Variants in RPS6KC1 observed in about 807,000 individuals in gnomAD.
RPS6KC1 encodes the protein inactive ribosomal protein S6 kinase delta-1.
Under a neutral mutation model 103.8 loss-of-function variants are expected in RPS6KC1, and 54 were observed. The observed-to-expected ratio is 0.52, with a 90% CI of 0.42 to 0.65. The LOEUF (loss-of-function observed/expected upper bound fraction) is 0.65, where lower values mean the gene tolerates loss of function less well. Among genes scored for constraint, RPS6KC1 ranks in the 30% least tolerant of loss-of-function variants. RPS6KC1 has a pLI of 0.00. For missense variants in RPS6KC1, 1,151 were observed against 1,253.8 expected (o/e 0.92, Z 1.24); for synonymous variants, 439 against 438.7 (o/e 1.00, Z -0.01).
the RPS6KC1 span, among the ~76,000 whole-genome samples, chr1:213,768,470 A>G: frequency 6.6e-6 from 1 of 152,244 alleles, no homozygotes; most frequent in Non-Finnish European, 1.5e-5. Context: ...TAGAATCACA[A>G]GGTGAACAGG....
At chr1:213,851,012 C>A in the RPS6KC1 span, among the ~76,000 whole-genome samples, 1 of 152,076 alleles carries the variant, frequency 6.6e-6, no homozygotes, top group East Asian at 1.9e-4. Context: ...TGTGTTTATA[C>A]CTTCTAGGTG....
the RPS6KC1 span, among the ~76,000 whole-genome samples, chr1:213,525,009 C>A: frequency 6.6e-6 from 1 of 152,104 alleles, no homozygotes; most frequent in Non-Finnish European, 1.5e-5. Context: ...CCTACAGAGT[C>A]GTTAGGAAGA....
rs561566034 is a variant in RPS6KC1 at position 213,151,432 on chromosome 1, G to A, written c.836-16426G>A. 1.0e-3 allele frequency among the ~76,000 whole-genome samples: 132 copies of A among 126,752 alleles called. 1 individual carries two copies. The East Asian group carries it at 0.028, about 27-fold the overall frequency. The allele number at this position is 126,752 out of a possible 152,430, so 83.2% of individuals were successfully genotyped here. On this transcript the variant is annotated intron_variant, in intron 6 of 14. Coordinates refer to ENST00000366960, the MANE Select transcript of RPS6KC1 (RefSeq NM_012424.6). ...CCAGTAGGGGCGGCCGGGCAGAGGCGCCCCTCACCTCCCGGATGGGGCGGC... is the reference window on the plus strand; with the variant it reads ...CCAGTAGGGGCGGCCGGGCAGAGGCACCCCTCACCTCCCGGATGGGGCGGC...
chr1:213,648,090 A>G, the RPS6KC1 span, among the ~76,000 whole-genome samples: 2 of 151,940 alleles, frequency 1.3e-5, no homozygotes, highest in South Asian at 4.2e-4. Flanking sequence ...GCCATTTATT[A>G]TTTTTTTTCT....
At chr1:213,302,251 C>G in the RPS6KC1 span, among the ~76,000 whole-genome samples, 3 of 152,246 alleles carry the variant, frequency 2.0e-5, no homozygotes, top group South Asian at 6.2e-4. Context: ...CTCTGCCTGT[C>G]TATGCTTTTG....
the RPS6KC1 span, among the ~76,000 whole-genome samples, chr1:213,710,882 T>G: frequency 6.6e-6 from 1 of 152,214 alleles, no homozygotes; most frequent in South Asian, 2.1e-4. Flanking sequence ...TGCAGAGAGA[T>G]CCACTCTTTG....
At chr1:213,271,036 T>G (rs1462280390) in intron 14 of RPS6KC1, among the ~76,000 whole-genome samples, 1 of 152,198 alleles carries the variant, frequency 6.6e-6, no homozygotes, top group Non-Finnish European at 1.5e-5. Flanking sequence ...TATAAAAAGT[T>G]AAACATAAGC....
the RPS6KC1 span, among the ~76,000 whole-genome samples, chr1:213,401,708 GCTCTTA>G: frequency 6.6e-6 from 1 of 152,136 alleles, no homozygotes; most frequent in Non-Finnish European, 1.5e-5. Context: ...GCATCCCTGA[GCTCTTA>G]CCTTTGTATC....
the RPS6KC1 span, among the ~76,000 whole-genome samples, chr1:213,301,091 A>G: frequency 6.6e-6 from 1 of 151,394 alleles, no homozygotes; most frequent in East Asian, 1.9e-4. Context: ...TGTTTTTTCC[A>G]CTCCGCTAAG....
the RPS6KC1 span, among the ~76,000 whole-genome samples, chr1:213,691,764 GC>G: frequency 6.6e-6 from 1 of 152,236 alleles, no homozygotes; most frequent in African/African-American, 2.4e-5. Context: ...GGTCCTGAAA[GC>G]ATGCACGGGA....
At chr1:213,707,903 ATC>A in the RPS6KC1 span, among the ~76,000 whole-genome samples, 2 of 151,978 alleles carry the variant, frequency 1.3e-5, no homozygotes, top group Non-Finnish European at 2.9e-5. Context: ...TAGTCTATAT[ATC>A]TGTTTTGGTG....
At chr1:213,102,078 A>T (rs2082067255) in intron 3 of RPS6KC1, among the ~76,000 whole-genome samples, 2 of 152,154 alleles carry the variant, frequency 1.3e-5, no homozygotes, top group Non-Finnish European at 2.9e-5. Flanking sequence ...TTGAACTGAG[A>T]GCATTTGAAC....
At position 213,242,152 on chromosome 1, in the gene RPS6KC1, A is replaced by G; in HGVS notation, c.2676A>G (p.Lys892=). 1 of 1,613,918 alleles carries G rather than the reference A, an allele frequency of 6.2e-7. No homozygotes were observed. Among genetic ancestry groups the G allele is most frequent in the Non-Finnish European group, 8.5e-7 (1 of 1,179,872 alleles). Residue 892 remains lysine, a synonymous_variant, in exon 11 of 15, where the codon AAA becomes AAG. Transcript: ENST00000366960. ...AGATTTTTGAGGACCTTGATAAAAA[A>G]TTAGCACTAGCCTCCAGGTTTTACA... ...IHQIFEDLDK[K]LALASRFYIP...
chr1:213,810,679 T>C, the RPS6KC1 span, among the ~76,000 whole-genome samples: 1 of 152,230 alleles, frequency 6.6e-6, no homozygotes, highest in African/African-American at 2.4e-5. Context: ...TTATAATATC[T>C]ACTCCAACCA....
the RPS6KC1 span, among the ~76,000 whole-genome samples, chr1:213,790,869 G>C: frequency 7.2e-5 from 11 of 152,128 alleles, no homozygotes; most frequent in Non-Finnish European, 1.3e-4. Context: ...CTTCTATTTG[G>C]AATAAGGAAG....
At chr1:213,709,282 G>A in the RPS6KC1 span, among the ~76,000 whole-genome samples, 9 of 152,012 alleles carry the variant, frequency 5.9e-5, no homozygotes, top group African/African-American at 2.2e-4. Context: ...GTCTTGGGAG[G>A]GTGTATGTGT....
chr1:213,509,449 G>A, the RPS6KC1 span, among the ~76,000 whole-genome samples: 30 of 151,916 alleles, frequency 2.0e-4, no homozygotes, highest in Non-Finnish European at 3.8e-4. Context: ...GTAAATGGTC[G>A]TTCAATTTTC....
chr1:213,602,182 C>CTTTCTTTCTTTCTTTCTTTCTTT, the RPS6KC1 span, among the ~76,000 whole-genome samples: 2 of 97,732 alleles, frequency 2.0e-5, 1 homozygote, highest in African/African-American at 8.9e-5. Flanking sequence ...TTCTTTCTTT[C>CTTTCTTTCTTTCTTTCTTTCTTT]TTTCTTTTTC....
At chr1:213,349,360 G>A in the RPS6KC1 span, among the ~76,000 whole-genome samples, 7 of 152,136 alleles carry the variant, frequency 4.6e-5, no homozygotes, top group South Asian at 1.4e-3. Context: ...CGTGGGGGAC[G>A]GTAATGCATG....
Sources: allele counts gnomAD v4.1 joint callset (sites outside exome capture counted in the v4.1 genomes callset), GRCh38; gene constraint gnomAD v4.1.1; transcripts MANE v1.5; gene names NCBI Gene and HGNC (gene_info 2026-07-23, HGNC 2026-07-21).